Variants in PDXDC1 observed in about 807,000 individuals in gnomAD.
PDXDC1 encodes pyridoxal dependent decarboxylase domain containing 1, also known as pyridoxal-dependent decarboxylase domain-containing protein 1.
A neutral mutation model predicts 100.1 loss-of-function variants in PDXDC1; 42 were observed. The ratio of observed to expected loss-of-function variants is 0.42; its 90% CI spans 0.33 to 0.54. The LOEUF (loss-of-function observed/expected upper bound fraction) is 0.54, where lower values mean the gene tolerates loss of function less well. Ranked by LOEUF, PDXDC1 falls within the 20% of genes least tolerant of loss-of-function variation. The probability of loss-of-function intolerance (pLI) is 0.10; values close to 1 mark genes in which losing one functional copy is unlikely to be tolerated. For missense variants in PDXDC1, 636 were observed against 979.2 expected, an observed-to-expected ratio of 0.65 and a Z score of 4.68; for synonymous variants, 260 against 371.7, an observed-to-expected ratio of 0.70 and a Z score of 3.46.
At chr16:15,111,194 C>T (rs1019098529) in intron 16 of PDXDC1, among the ~76,000 whole-genome samples, 3 of 149,096 alleles carry the variant, frequency 2.0e-5, no homozygotes, top group East Asian at 3.9e-4. Flanking sequence ...TGTTGGCTCA[C>T]TCCCGTAATC....
intron 14 of PDXDC1, among the ~76,000 whole-genome samples, chr16:15,028,543 A>G (rs1157668049): frequency 2.0e-5 from 3 of 152,298 alleles, no homozygotes; most frequent in African/African-American, 7.2e-5. Context: ...TGTGAGGCCT[A>G]GTTAGATGAT....
At chr16:15,024,184 C>T (rs1260130873) in intron 13 of PDXDC1, among the ~76,000 whole-genome samples, 2 of 152,282 alleles carry the variant, frequency 1.3e-5, no homozygotes, top group Non-Finnish European at 2.9e-5. Context: ...GCTGTTTTTT[C>T]AGTAGAGGAT....
chr16:15,129,058 G>A (rs1018103621), intron 16 of PDXDC1, among the ~76,000 whole-genome samples: 1 of 151,684 alleles, frequency 6.6e-6, no homozygotes, highest in East Asian at 2.0e-4. Flanking sequence ...GCCTGCCTCG[G>A]CCTCCCAAAG....
intron 16 of PDXDC1, among the ~76,000 whole-genome samples, chr16:15,064,232 T>C (rs144144043): frequency 0.025 from 3,740 of 152,102 alleles, 75 homozygotes; most frequent in Non-Finnish European, 0.041. Context: ...CTGGAGTGCA[T>C]TGGTGCAATC....
At chr16:15,012,526 A>T (rs955532806) in intron 8 of PDXDC1, among the ~76,000 whole-genome samples, 5 of 152,286 alleles carry the variant, frequency 3.3e-5, no homozygotes, top group Non-Finnish European at 5.9e-5. Flanking sequence ...GCAAATTAAG[A>T]TCACCATGAG....
At chr16:14,987,132 T>G (rs1260611406) in intron 1 of PDXDC1, among the ~76,000 whole-genome samples, 5 of 152,300 alleles carry the variant, frequency 3.3e-5, no homozygotes, top group Admixed American at 2.0e-4. Context: ...ATGATGAGTT[T>G]ACGGCCATCT....
At chr16:14,993,875 G>T (rs1385054083) in intron 1 of PDXDC1, among the ~76,000 whole-genome samples, 2 of 152,286 alleles carry the variant, frequency 1.3e-5, no homozygotes, top group Non-Finnish European at 1.5e-5. Flanking sequence ...GTTTTGATTT[G>T]CATTTCTCTG....
At chr16:15,018,633 T>C (rs2041966643) in intron 11 of PDXDC1, among the ~76,000 whole-genome samples, 1 of 152,206 alleles carries the variant, frequency 6.6e-6, no homozygotes, top group Non-Finnish European at 1.5e-5. Flanking sequence ...ACTCCTGAGC[T>C]GTGAACCCTT....
intron 16 of PDXDC1, among the ~76,000 whole-genome samples, chr16:15,052,179 T>C (rs1415735336): frequency 6.6e-6 from 1 of 152,242 alleles, no homozygotes; most frequent in Non-Finnish European, 1.5e-5. Flanking sequence ...TCAACTCTGC[T>C]GTTATTATGA....
chr16:14,982,603 T>C (rs1201370026), intron 1 of PDXDC1, among the ~76,000 whole-genome samples: 5 of 152,014 alleles, frequency 3.3e-5, no homozygotes, highest in Non-Finnish European at 7.3e-5. Flanking sequence ...TCTTAAATAC[T>C]GTACTGTTGA....
At chr16:15,030,269 G>A (rs1289920606) in intron 16 of PDXDC1, among the ~76,000 whole-genome samples, 1 of 152,244 alleles carries the variant, frequency 6.6e-6, no homozygotes, top group African/African-American at 2.4e-5. Flanking sequence ...AATTGGCCGG[G>A]CATGGTGGCT....
chr16:14,997,141 A>G (rs1448562318), intron 1 of PDXDC1, among the ~76,000 whole-genome samples: 5 of 152,218 alleles, frequency 3.3e-5, no homozygotes, highest in African/African-American at 1.2e-4. Flanking sequence ...TTCTTCCCAG[A>G]ATGAATGGTG....
chr16:14,981,826 T>G lies in PDXDC1; in HGVS notation c.21+6606T>G, dbSNP rs933135620. 2.7e-5 allele frequency among the ~76,000 whole-genome samples: 4 copies of G among 147,564 alleles called. No individual in the cohort carries two copies. The Admixed American group carries it at 2.9e-4, about 11-fold the overall frequency. On this transcript the variant is annotated intron_variant, in intron 1 of 22. Coordinates refer to ENST00000396410, the MANE Select transcript of PDXDC1 (RefSeq NM_015027.4). ...ACTGTTGGGTATTTTTGTCCTTTTC[T>G]TTTGTTTCTTTTTTTTTTTTGAGAT...
intron 12 of PDXDC1, among the ~76,000 whole-genome samples, chr16:15,020,975 A>AACACACACACACACACACACAC (rs66850292): frequency 6.9e-6 from 1 of 145,842 alleles, no homozygotes; most frequent in Admixed American, 6.8e-5. Context: ...GCACCATCTA[A>AACACACACACACACACACACAC]ACACACACAC....
At position 15,131,622 on chromosome 16, in the gene PDXDC1, C is replaced by A. The variant is rs548510282; in HGVS notation, c.1400-7257C>A. On this transcript the variant is annotated intron_variant, in intron 16 of 16. Coordinates refer to the PDXDC1 transcript ENST00000535621. ...CAGAGGTCAGGTTGTAGGCCTGGGA[C>A]GCCACCATCCGCGATGGTGACTCGG... is the stretch of plus-strand genomic sequence containing the variant. 3.1e-4 allele frequency: 501 copies of A among 1,596,510 alleles called. 5 individuals are homozygous for A. The African/African-American group carries it at 6.3e-3, about 20-fold the overall frequency.
intron 6 of PDXDC1, among the ~76,000 whole-genome samples, chr16:15,007,744 C>T (rs1200377484): frequency 6.6e-6 from 1 of 152,260 alleles, no homozygotes; most frequent in Non-Finnish European, 1.5e-5. Context: ...AATAATAATC[C>T]TCTGAAACGT....
chr16:15,052,282 C>A (rs923227359), intron 16 of PDXDC1, among the ~76,000 whole-genome samples: 4 of 152,146 alleles, frequency 2.6e-5, no homozygotes, highest in African/African-American at 7.2e-5. Flanking sequence ...AATACCATTT[C>A]CCATGTTACA....
intron 8 of PDXDC1, among the ~76,000 whole-genome samples, chr16:15,014,519 C>T (rs1279252866): frequency 6.6e-6 from 1 of 152,292 alleles, no homozygotes; most frequent in Non-Finnish European, 1.5e-5. Context: ...GCCTGTGGCA[C>T]AGCCCATGCA....
At chr16:14,989,534 G>A (rs1970212576) in intron 1 of PDXDC1, 1 of 1,612,294 alleles carries the variant, frequency 6.2e-7, no homozygotes, top group Non-Finnish European at 8.5e-7. Flanking sequence ...CCGTGGGGTT[G>A]TTGAGCTGGA....
Sources: gnomAD v4.1 joint callset for allele counts (sites outside exome capture counted in the v4.1 genomes callset) on GRCh38, gnomAD v4.1.1 for gene constraint, MANE v1.5 for transcripts, NCBI Gene and HGNC (gene_info 2026-07-23, HGNC 2026-07-21) for gene names.